NAMPT: variants seen among roughly 807,000 people sequenced by gnomAD.
NAMPT encodes the protein nicotinamide phosphoribosyltransferase, also known as NAmPRTase.
NAMPT carries 7 observed loss-of-function variants against 58.7 expected under a neutral mutation model. The ratio of observed to expected loss-of-function variants is 0.12; its 90% confidence interval spans 0.07 to 0.22. NAMPT has a LOEUF of 0.22. NAMPT is among the 10% of genes least tolerant of loss of function. The pLI, the probability that NAMPT is intolerant of heterozygous loss-of-function variation, is 1.00. For missense variants in NAMPT, 271 were observed against 567.9 expected (o/e 0.48, Z 5.31); for synonymous variants, 145 against 198.1 (o/e 0.73, Z 2.25).
intron 1 of NAMPT, among the ~76,000 whole-genome samples, chr7:106,280,306 C>T (rs1792737020): frequency 6.6e-6 from 1 of 152,082 alleles, no homozygotes; most frequent in African/African-American, 2.4e-5. Context: ...TTTGGTTGAG[C>T]AACTGCATTA....
At chr7:106,252,037 AC>A (rs1390828267) in intron 10 of NAMPT, among the ~76,000 whole-genome samples, 1 of 152,114 alleles carries the variant, frequency 6.6e-6, no homozygotes, top group Admixed American at 6.6e-5. Flanking sequence ...ATTTTCTTTC[AC>A]AAATTTAAAT....
In NAMPT at chr7:106,251,204, G is replaced by A. The variant is rs769864360; in HGVS notation, c.1366-11C>T. The stretch of plus-strand genomic sequence containing the variant: ...AGTATGGAGAAGATCCTGCATAAAT[G>A]GAAATTTCATGATTATATTACATTA... On this transcript the variant is annotated splice_polypyrimidine_tract_variant and intron_variant, in intron 10 of 10. Coordinates refer to ENST00000222553, the MANE Select transcript of NAMPT (RefSeq NM_005746.3). The A allele has an allele frequency of 1.2e-5, 18 of 1,543,470 alleles. No individual in the cohort carries two copies. The African/African-American group carries it at 2.3e-4, about 20-fold the overall frequency.
intron 2 of NAMPT, chr7:106,276,325 A>AT (rs1302471002): frequency 6.6e-6 from 1 of 152,080 alleles, no homozygotes; most frequent in Non-Finnish European, 1.5e-5. Context: ...AAATTGGGGG[A>AT]TTTTTGTTTT....
chr7:106,256,949 G>A (rs1792211858), intron 8 of NAMPT, among the ~76,000 whole-genome samples: 1 of 151,952 alleles, frequency 6.6e-6, no homozygotes, highest in South Asian at 2.1e-4. Context: ...GCCGAGGCAG[G>A]CAGATCACCT....
chr7:106,270,187 C>T, intron 4 of NAMPT: 1 of 280,716 alleles, frequency 3.6e-6, no homozygotes, highest in Non-Finnish European at 8.0e-6. Flanking sequence ...CTAATCACAG[C>T]AACCGTAATA....
chr7:106,262,697 G>A lies in NAMPT; in HGVS notation c.969+695C>T, dbSNP rs550895620. Among the ~76,000 whole-genome samples the A allele has an allele frequency of 2.6e-5, 4 of 152,192 alleles. No homozygotes were observed. In the East Asian group the frequency reaches 7.7e-4, roughly 29 times the overall value. ...GGATATCTGACTCCTTATCTTTCAT[G>A]TTGTGTGACCTTGAGCAAGTTACTT... is the stretch of plus-strand genomic sequence containing the variant. On this transcript the variant is annotated intron_variant, in intron 7 of 10. Transcript: ENST00000222553.
At chr7:106,285,591 T>C, upstream of NAMPT, 1 of 986,000 alleles carries the variant, frequency 1.0e-6, no homozygotes. Flanking sequence ...CCATCCCTCT[T>C]GTCCCTCCTG....
Position 106,272,789 on chromosome 7 carries a change from T to C in NAMPT, c.319-131A>G. The C allele has an allele frequency of 5.8e-6, 5 of 858,534 alleles. No homozygotes were observed. The South Asian group carries it at 6.7e-5, about 12-fold the overall frequency. The allele number at this position is 858,534 out of a possible 1,614,324, so 53.2% of individuals were successfully genotyped here. ...TAGAAATTGCAATTGTAGATGTTAC[T>C]GTAATCTAGTCAGAATATCCTTATC... On this transcript the variant is annotated intron_variant, in intron 3 of 10. Transcript: ENST00000222553.
Position 106,249,149 on chromosome 7 carries a change from A to AAT in NAMPT, c.*1932_*1933dup, listed in dbSNP as rs1327382470. The AAT allele has an allele frequency of 6.6e-6, 1 of 152,418 alleles. No individual in the cohort carries two copies. Among genetic ancestry groups the AAT allele is most frequent in the Non-Finnish European group, 1.5e-5 (1 of 67,960 alleles). 9.4% of individuals were successfully genotyped at this position (152,418 alleles called of 1,614,324 possible). A position where few individuals can be genotyped will look rare whatever the true frequency, so the allele number is the denominator to read the frequency against. On this transcript the variant is annotated 3_prime_UTR_variant, in exon 11 of 11. Coordinates refer to ENST00000222553, the MANE Select transcript of NAMPT (RefSeq NM_005746.3). ...TTGTGAAGAAATGTGTGTTTTTCTT[A>AAT]ATACTACTCATCTTTACTCAAATAC...
chr7:106,266,325 AGAT>A (rs1792407322), intron 6 of NAMPT, among the ~76,000 whole-genome samples: 1 of 152,222 alleles, frequency 6.6e-6, no homozygotes, highest in Admixed American at 6.5e-5. Context: ...GTCCTAAAGA[AGAT>A]ATTATCCTTG....
chr7:106,276,992 A>G, intron 2 of NAMPT, 31 bp downstream of exon 2: 1 of 1,500,624 alleles, frequency 6.7e-7, no homozygotes, highest in Non-Finnish European at 9.3e-7. Flanking sequence ...AGTAATAAGC[A>G]GTGTTTAAAA....
At chr7:106,272,373 A>T in intron 4 of NAMPT, 157 bp downstream of exon 4, 1 of 578,238 alleles carries the variant, frequency 1.7e-6, no homozygotes, top group Non-Finnish European at 2.9e-6. Flanking sequence ...AAGATTATTT[A>T]GTCTGTCATT....
At chr7:106,253,565 A>G (rs1477728114) in intron 9 of NAMPT, 1 of 166,254 alleles carries the variant, frequency 6.0e-6, no homozygotes, top group Non-Finnish European at 1.3e-5. Context: ...ATCTTTGGAG[A>G]GGGAACAAGA....
At chr7:106,269,050 A>G in intron 5 of NAMPT, 104 bp downstream of exon 5, 6 of 1,123,628 alleles carry the variant, frequency 5.3e-6, no homozygotes. Flanking sequence ...AATCTTTGGA[A>G]TTTTAGAACC....
chr7:106,267,876 A>AAAAAAAAAAAAAC (rs1189395299), intron 6 of NAMPT, among the ~76,000 whole-genome samples: 5 of 130,394 alleles, frequency 3.8e-5, no homozygotes, highest in Non-Finnish European at 8.4e-5. Flanking sequence ...AAAAAAAAAA[A>AAAAAAAAAAAAAC]CAACCTGATT....
At position 106,261,218 on chromosome 7, in the gene NAMPT, ATAT is replaced by A. The variant is rs528491939; in HGVS notation, c.1089+367_1089+369del. 1.3e-4 allele frequency among the ~76,000 whole-genome samples: 20 copies of A among 152,310 alleles called. No individual in the cohort carries two copies. The South Asian group carries it at 4.1e-3, about 32-fold the overall frequency. Reference sequence around the variant, plus strand: ...ATAATTTCTGAAAAAGCACCCATTAATATTATGAGTTTTACAGATTTGTGAAGC... The same window carrying A: ...ATAATTTCTGAAAAAGCACCCATTAATATGAGTTTTACAGATTTGTGAAGC... On this transcript the variant is annotated intron_variant, in intron 8 of 10. Transcript: ENST00000222553.
In NAMPT at chr7:106,278,799, T is replaced by C. The variant is rs553906339; in HGVS notation, c.58-1620A>G. On this transcript the variant is annotated intron_variant, in intron 1 of 10. Coordinates refer to ENST00000222553, the MANE Select transcript of NAMPT (RefSeq NM_005746.3). ...CTCCAACTTCTTTAGTGGGACTAAG[T>C]AGTGAGATAGAAGAAAAGCACACAC... Among the ~76,000 whole-genome samples the C allele has an allele frequency of 7.9e-5, 12 of 152,228 alleles. No homozygotes were observed. In the South Asian group the frequency reaches 2.5e-3, roughly 32 times the overall value.
chr7:106,253,360 A>C (rs1186758643), intron 9 of NAMPT: 2 of 514,810 alleles, frequency 3.9e-6, no homozygotes, highest in Non-Finnish European at 6.9e-6. Context: ...AAAAAGTATG[A>C]CATCTTGGAT....
chr7:106,262,964 C>T (rs1247639031), intron 7 of NAMPT, among the ~76,000 whole-genome samples: 1 of 152,018 alleles, frequency 6.6e-6, no homozygotes, highest in Non-Finnish European at 1.5e-5. Context: ...AAAGAACCTC[C>T]ACTTGAAGAG....
Sources: gnomAD v4.1 joint callset for allele counts (sites outside exome capture counted in the v4.1 genomes callset) on GRCh38, gnomAD v4.1.1 for gene constraint, MANE v1.5 for transcripts, NCBI Gene and HGNC (gene_info 2026-07-23, HGNC 2026-07-21) for gene names.